PDXK: variants seen among roughly 807,000 people sequenced by gnomAD.
PDXK encodes the protein pyridoxal kinase, also known as epididymis secretory sperm binding protein Li 1a.
PDXK carries 15 observed loss-of-function variants against 43.2 expected under a neutral mutation model. The ratio of observed to expected loss-of-function variants is 0.35; its 90% CI spans 0.23 to 0.53. PDXK has a LOEUF of 0.53. PDXK is among the 20% of genes least tolerant of loss of function. PDXK has a pLI of 0.92. For missense variants in PDXK, 343 were observed against 417.0 expected (o/e 0.82, Z 1.54); for synonymous variants, 172 against 165.4 (o/e 1.04, Z -0.31).
At chr21:43,730,045 C>T (rs576189238) in intron 1 of PDXK, among the ~76,000 whole-genome samples, 4 of 152,252 alleles carry the variant, frequency 2.6e-5, no homozygotes, top group African/African-American at 9.6e-5. Flanking sequence ...GGTGATAGTC[C>T]ACAGGCCTCA....
chr21:43,722,132 C>T (rs978313588), intron 1 of PDXK, among the ~76,000 whole-genome samples: 3 of 152,186 alleles, frequency 2.0e-5, no homozygotes, highest in African/African-American at 7.2e-5. Flanking sequence ...TGGGGTGGGG[C>T]ACTTCCCCGC....
Position 43,737,234 on chromosome 21 carries a change from G to T in PDXK, c.142+3111G>T, listed in dbSNP as rs2083420122. The T allele has an allele frequency of 7.0e-7, 1 of 1,428,906 alleles. No individual in the cohort carries two copies. The highest frequency in any genetic ancestry group is 1.5e-5 in the South Asian group (1 of 66,732). The allele number at this position is 1,428,906 out of a possible 1,614,324, so 88.5% of individuals were successfully genotyped here. ...GTTCCCTGACGCCCTTCAGGCTGGG[G>T]GGTGGGAAAGCCGATCCCCCAAGTG... On this transcript the variant is annotated intron_variant, in intron 2 of 10. Transcript: ENST00000291565. This position sits in a 1 kb window ranked among gnomAD's most constrained non-coding sequence, Gnocchi z 4.8.
rs1029524541 is a variant in PDXK at position 43,759,994 on chromosome 21, G to C, written c.*3931G>C. On this transcript the variant is annotated 3_prime_UTR_variant, in exon 11 of 11. Transcript: ENST00000291565. ...CTAAGCCAGGGAAGCCTGGAGCGTG[G>C]CCTGGCGGGTCTGGGTGGACACCGT... 6 of 153,624 alleles carry C rather than the reference G, an allele frequency of 3.9e-5. No individual in the cohort carries two copies. Among genetic ancestry groups the C allele is most frequent in the Admixed American group, 2.6e-4 (4 of 15,288 alleles). The allele number at this position is 153,624 out of a possible 1,614,324, so 9.5% of individuals were successfully genotyped here.
In PDXK at chr21:43,735,796, A is replaced by T. The variant is rs2083391145; in HGVS notation, c.142+1673A>T. The stretch of plus-strand genomic sequence containing the variant: ...AGGAGGCCCCCGGGTAGCTTCCCTA[A>T]GGCTGTCTCTGTGGCTCAGGGGCAA... On this transcript the variant is annotated intron_variant, in intron 2 of 10. Transcript: ENST00000291565. The surrounding 1 kb of genome is among the most constrained non-coding windows in gnomAD (Gnocchi z 5.3). Among the ~76,000 whole-genome samples the T allele has an allele frequency of 6.6e-6, 1 of 152,082 alleles. No individual in the cohort carries two copies. Among genetic ancestry groups the T allele is most frequent in the Non-Finnish European group, 1.5e-5 (1 of 68,002 alleles).
At chr21:43,721,424 G>C (rs1160243031) in intron 1 of PDXK, among the ~76,000 whole-genome samples, 2 of 152,260 alleles carry the variant, frequency 1.3e-5, no homozygotes, top group African/African-American at 4.8e-5. Context: ...CATAGCCTCT[G>C]GCTGGGCCCC....
chr21:43,722,284 G>A (rs2083212267), intron 1 of PDXK, among the ~76,000 whole-genome samples: 1 of 152,154 alleles, frequency 6.6e-6, no homozygotes, highest in Non-Finnish European at 1.5e-5. Context: ...TGGCTCTTTG[G>A]AGCCCCAGGT....
chr21:43,728,779 G>A (rs1468233893), intron 1 of PDXK: 1 of 985,742 alleles, frequency 1.0e-6, no homozygotes, highest in South Asian at 4.7e-5. Context: ...CTTGTGTCGC[G>A]GGCGGCAGGG....
Position 43,737,461 on chromosome 21 carries a change from C to T in PDXK, c.142+3338C>T, listed in dbSNP as rs1461660327. The T allele has an allele frequency of 1.9e-6, 2 of 1,068,526 alleles. No individual in the cohort carries two copies. The highest frequency in any genetic ancestry group is 2.3e-6 in the Non-Finnish European group (2 of 878,668). The allele number at this position is 1,068,526 out of a possible 1,614,324, so 66.2% of individuals were successfully genotyped here. A position where few individuals can be genotyped will look rare whatever the true frequency, so the allele number is the denominator to read the frequency against. On this transcript the variant is annotated intron_variant, in intron 2 of 10. Transcript: ENST00000291565. This position sits in a 1 kb window ranked among gnomAD's most constrained non-coding sequence, Gnocchi z 4.8. ...CCCTTTGAGAGGATTTCCTGGAGCT[C>T]CCTGTCTGAGCTTCCCGGACTGAGG... is the stretch of plus-strand genomic sequence containing the variant.
At chr21:43,747,645 C>T in intron 5 of PDXK, among the ~76,000 whole-genome samples, 1 of 152,242 alleles carries the variant, frequency 6.6e-6, no homozygotes, top group Non-Finnish European at 1.5e-5. Flanking sequence ...TCATGGTGCT[C>T]CCTGGTGTGG....
intron 4 of PDXK, chr21:43,744,423 G>T (rs2083601545): frequency 6.3e-6 from 1 of 159,428 alleles, no homozygotes; most frequent in Non-Finnish European, 1.4e-5. Context: ...AGGAGGACAG[G>T]CCTGGCCTAG....
intron 1 of PDXK, chr21:43,719,787 A>G: frequency 1.0e-6 from 1 of 985,434 alleles, no homozygotes; most frequent in Non-Finnish European, 1.2e-6. Context: ...GCGAGCCGGG[A>G]CCTTGCCCCG....
chr21:43,755,653 T>G (rs780545280), intron 9 of PDXK, 45 bp from the exon 10 acceptor site: 3 of 1,455,214 alleles, frequency 2.1e-6, no homozygotes, highest in Non-Finnish European at 1.9e-6. Flanking sequence ...GCACGTCGGG[T>G]GTTGTGAGTG....
chr21:43,744,306 C>G lies in PDXK; in HGVS notation c.331+499C>G, dbSNP rs543424073. 3.9e-5 allele frequency among the ~76,000 whole-genome samples: 6 copies of G among 152,166 alleles called. No homozygotes were observed. The East Asian group carries it at 1.2e-3, about 29-fold the overall frequency. ...GGGGCATCTGCCTTGATCGGTCTTT[C>G]GTTAGAGGCCAGGCAGTGCTGGATC... On this transcript the variant is annotated intron_variant, in intron 4 of 10. Coordinates refer to ENST00000291565, the MANE Select transcript of PDXK (RefSeq NM_003681.5).
chr21:43,755,939 C>G lies in PDXK; in HGVS notation c.827-12C>G. 6.3e-7 allele frequency: 1 copy of G among 1,593,474 alleles called. No individual in the cohort carries two copies. Among genetic ancestry groups the G allele is most frequent in the Non-Finnish European group, 8.6e-7 (1 of 1,164,186 alleles). On this transcript the variant is annotated splice_polypyrimidine_tract_variant and intron_variant, in intron 10 of 10. Transcript: ENST00000291565. ...TGAGATGGGAACTCAGTGCTCTCTGCCTGCCCCGCAGCCCAGGCCGGGGAA... is the reference window on the plus strand; with the variant it reads ...TGAGATGGGAACTCAGTGCTCTCTGGCTGCCCCGCAGCCCAGGCCGGGGAA...
At position 43,732,545 on chromosome 21, in the gene PDXK, A is replaced by G. The variant is rs2083333388; in HGVS notation, c.88-1524A>G. 3 of 1,069,794 alleles carry G rather than the reference A, an allele frequency of 2.8e-6. No individual in the cohort carries two copies. The highest frequency in any genetic ancestry group is 4.4e-6 in the Non-Finnish European group (3 of 683,412). 66.3% of individuals were successfully genotyped at this position (1,069,794 alleles called of 1,614,324 possible). A position where few individuals can be genotyped will look rare whatever the true frequency, so the allele number is the denominator to read the frequency against. On this transcript the variant is annotated intron_variant, in intron 1 of 10. Coordinates refer to ENST00000291565, the MANE Select transcript of PDXK (RefSeq NM_003681.5). This position sits in a 1 kb window ranked among gnomAD's most constrained non-coding sequence, Gnocchi z 4.1. Reference sequence around the variant, plus strand: ...TTCTCGGATACGTTTGCCAGCCCCAAAGGATTAATTATCTACACACCCAGA... The same window carrying G: ...TTCTCGGATACGTTTGCCAGCCCCAGAGGATTAATTATCTACACACCCAGA...
chr21:43,741,789 C>G lies in PDXK; in HGVS notation c.247+18C>G. On this transcript the variant is annotated intron_variant, in intron 3 of 10. Transcript: ENST00000291565. ...GCTCACAGGTAGGTGCCGGAGCAAGCTGCCGCAGGGGACTACGCACCCCAC... is the reference window on the plus strand; with the variant it reads ...GCTCACAGGTAGGTGCCGGAGCAAGGTGCCGCAGGGGACTACGCACCCCAC... 1 of 1,527,106 alleles carries G rather than the reference C, an allele frequency of 6.5e-7. No individual in the cohort carries two copies. The highest frequency in any genetic ancestry group is 9.0e-7 in the Non-Finnish European group (1 of 1,105,810). The allele number at this position is 1,527,106 out of a possible 1,614,324, so 94.6% of individuals were successfully genotyped here. A position where few individuals can be genotyped will look rare whatever the true frequency, so the allele number is the denominator to read the frequency against.
intron 5 of PDXK, 85 bp from the exon 6 acceptor site, chr21:43,748,910 C>T: frequency 5.0e-6 from 4 of 803,060 alleles, no homozygotes; most frequent in Non-Finnish European, 8.4e-6. Context: ...TGGGGGAGCA[C>T]TCCGTGGTGG....
In PDXK at chr21:43,741,711, CAGG is replaced by C; in HGVS notation, c.190_192del (p.Glu64del). On this transcript the variant is annotated inframe_deletion, in exon 3 of 11. Coordinates refer to ENST00000291565, the MANE Select transcript of PDXK (RefSeq NM_003681.5). ...CCAAGTGCTGAATTCAGATGAGCTC[CAGG>C]AGTTGTACGAAGGCCTGAGGCTGAA... The C allele has an allele frequency of 6.2e-7, 1 of 1,613,294 alleles. No homozygotes were observed. Among genetic ancestry groups the C allele is most frequent in the Non-Finnish European group, 8.5e-7 (1 of 1,179,500 alleles).
intron 2 of PDXK, among the ~76,000 whole-genome samples, chr21:43,739,533 A>G (rs898063553): frequency 1.3e-5 from 2 of 151,876 alleles, no homozygotes; most frequent in Non-Finnish European, 2.9e-5. Context: ...AGAAGGGGAA[A>G]CAAACACCTC....
Sources: gnomAD v4.1 joint callset for allele counts (sites outside exome capture counted in the v4.1 genomes callset) on GRCh38, gnomAD v4.1.1 for gene constraint, Gnocchi (gnomAD v3.1) non-coding constraint, MANE v1.5 for transcripts, NCBI Gene and HGNC (gene_info 2026-07-23, HGNC 2026-07-21) for gene names.